ABLIM2: variants seen among roughly 807,000 people sequenced by gnomAD.
ABLIM2 encodes the protein actin-binding LIM protein 2.
A neutral mutation model predicts 97.7 loss-of-function variants in ABLIM2; 53 were observed. The observed-to-expected ratio is 0.54, with a 90% CI of 0.44 to 0.68. The LOEUF (loss-of-function observed/expected upper bound fraction) is 0.68. Ranked by LOEUF, ABLIM2 falls within the 30% of genes least tolerant of loss-of-function variation. ABLIM2 has a pLI of 0.00. For missense variants in ABLIM2, 835 were observed against 867.2 expected (o/e 0.96, Z 0.47); for synonymous variants, 361 against 345.8 (o/e 1.04, Z -0.49).
Position 8,095,598 on chromosome 4 carries a change from G to C in ABLIM2, c.338+1501C>G, listed in dbSNP as rs1437151259. On this transcript the variant is annotated intron_variant, in intron 3 of 20. Coordinates refer to ENST00000447017, the MANE Select transcript of ABLIM2 (RefSeq NM_001130083.2). The surrounding 1 kb of genome is among the most constrained non-coding windows in gnomAD (Gnocchi z 4.7). ...GGGGTCTCTTTATGTTTCCCAAGCT[G>C]GTCTCCAGTTCCTGGTCTCAAGCGA... Among the ~76,000 whole-genome samples, 1 of 152,100 alleles carries C rather than the reference G, an allele frequency of 6.6e-6. No homozygotes were observed. Among genetic ancestry groups the C allele is most frequent in the African/African-American group, 2.4e-5 (1 of 41,414 alleles).
chr4:8,030,560 G>T (rs1216712964), intron 10 of ABLIM2, among the ~76,000 whole-genome samples: 3 of 152,218 alleles, frequency 2.0e-5, no homozygotes, highest in Admixed American at 2.0e-4. Context: ...CCACCCCGAG[G>T]TGTGCTGTCC....
chr4:8,102,270 A>G (rs1835023077), intron 2 of ABLIM2, among the ~76,000 whole-genome samples: 1 of 152,058 alleles, frequency 6.6e-6, no homozygotes, highest in South Asian at 2.1e-4. Flanking sequence ...CTCTTCCCTC[A>G]TTAACTTCCT....
chr4:8,050,216 T>A (rs560262302), intron 8 of ABLIM2, among the ~76,000 whole-genome samples: 1 of 152,334 alleles, frequency 6.6e-6, no homozygotes, highest in South Asian at 2.1e-4. Context: ...GAGGGCTGTG[T>A]CATGGTCACT....
intron 3 of ABLIM2, among the ~76,000 whole-genome samples, chr4:8,089,355 T>C (rs1046996698): frequency 6.6e-6 from 1 of 152,194 alleles, no homozygotes; most frequent in African/African-American, 2.4e-5. Context: ...ACCGGGCCAC[T>C]TTCCTTCCCC....
intron 14 of ABLIM2, among the ~76,000 whole-genome samples, chr4:8,014,484 A>ATGTGTG (rs143407302): frequency 6.6e-6 from 1 of 151,612 alleles, no homozygotes; most frequent in Non-Finnish European, 1.5e-5. Context: ...GAGGGAGAGA[A>ATGTGTG]TGTGTGTGTG....
At position 8,069,207 on chromosome 4, in the gene ABLIM2, C is replaced by T. The variant is rs1288925916; in HGVS notation, c.676-8153G>A. On this transcript the variant is annotated intron_variant, in intron 6 of 20. Transcript: ENST00000447017. This position sits in a 1 kb window ranked among gnomAD's most constrained non-coding sequence, Gnocchi z 4.2. ...CAGCGGCCTCATTCTCTGCTGTACC[C>T]CGGCGTCCCCTCCAGCAGTGGCACT... 2.0e-5 allele frequency among the ~76,000 whole-genome samples: 3 copies of T among 152,256 alleles called. No homozygotes were observed. The highest frequency in any genetic ancestry group is 4.4e-5 in the Non-Finnish European group (3 of 68,046).
chr4:8,105,089 T>C (rs982725348), intron 2 of ABLIM2, among the ~76,000 whole-genome samples: 2 of 152,102 alleles, frequency 1.3e-5, no homozygotes, highest in African/African-American at 4.8e-5. Context: ...CAGACCTCAG[T>C]GTCCCTCTTT....
At position 8,003,530 on chromosome 4, in the gene ABLIM2, C is replaced by T. The variant is rs1375686819; in HGVS notation, c.1618+4529G>A. 1.3e-5 allele frequency among the ~76,000 whole-genome samples: 2 copies of T among 148,628 alleles called. No homozygotes were observed. The highest frequency in any genetic ancestry group is 5.0e-5 in the African/African-American group (2 of 40,238). ...TTGACTGGCAGCTCCCACCCACTGT[C>T]TCTGGACCACTACGCTCTTCTTCCA... On this transcript the variant is annotated intron_variant, in intron 16 of 20. Transcript: ENST00000447017. The surrounding 1 kb of genome is among the most constrained non-coding windows in gnomAD (Gnocchi z 4.2).
intron 2 of ABLIM2, among the ~76,000 whole-genome samples, chr4:8,099,888 G>A (rs1026904382): frequency 6.6e-6 from 1 of 152,126 alleles, no homozygotes; most frequent in East Asian, 1.9e-4. Context: ...CCAGGCCTCT[G>A]TGTGCTAAAA....
intron 1 of ABLIM2, among the ~76,000 whole-genome samples, chr4:8,144,375 A>G (rs1393258473): frequency 6.6e-6 from 1 of 152,228 alleles, no homozygotes; most frequent in Non-Finnish European, 1.5e-5. Context: ...CAGTGATGAC[A>G]CTGCCCCTTA....
At chr4:8,121,766 CG>C (rs1384407415) in intron 1 of ABLIM2, among the ~76,000 whole-genome samples, 1 of 152,208 alleles carries the variant, frequency 6.6e-6, no homozygotes, top group Non-Finnish European at 1.5e-5. Flanking sequence ...ACAGGAAATG[CG>C]CTGAGTGACT....
intron 11 of ABLIM2, among the ~76,000 whole-genome samples, chr4:8,028,440 C>G (rs1036592299): frequency 6.6e-6 from 1 of 152,192 alleles, no homozygotes; most frequent in South Asian, 2.1e-4. Flanking sequence ...TTCATTCACT[C>G]ACTTACTTGC....
chr4:8,005,315 T>C lies in ABLIM2; in HGVS notation c.1618+2744A>G, dbSNP rs1243518125. On this transcript the variant is annotated intron_variant, in intron 16 of 20. Coordinates refer to ENST00000447017, the MANE Select transcript of ABLIM2 (RefSeq NM_001130083.2). The surrounding 1 kb of genome is among the most constrained non-coding windows in gnomAD (Gnocchi z 4.9). Reference sequence around the variant, plus strand: ...TCAGCGTCTGGCACAGAGTGGGTGCTCAATAAATACCCGTTGAATGTAACG... The same window carrying C: ...TCAGCGTCTGGCACAGAGTGGGTGCCCAATAAATACCCGTTGAATGTAACG... The C allele has an allele frequency of 3.8e-6, 2 of 532,126 alleles. No homozygotes were observed. Among genetic ancestry groups the C allele is most frequent in the Admixed American group, 1.9e-5 (1 of 51,598 alleles). The allele number at this position is 532,126 out of a possible 1,614,324, so 33.0% of individuals were successfully genotyped here.
chr4:8,158,019 G>T (rs909710259), intron 1 of ABLIM2, among the ~76,000 whole-genome samples: 1 of 152,262 alleles, frequency 6.6e-6, no homozygotes, highest in East Asian at 1.9e-4. Context: ...GGGCTCCAGC[G>T]CTGTGGGATT....
chr4:8,003,121 CAG>C lies in ABLIM2; in HGVS notation c.1618+4936_1618+4937del, dbSNP rs1375367525. Reference sequence around the variant, plus strand: ...GAACACACCAAGCACTCATGAAATACAGAGAGATGCCCCTTGGCTTACCACGG... The same window carrying C: ...GAACACACCAAGCACTCATGAAATACAGAGATGCCCCTTGGCTTACCACGG... On this transcript the variant is annotated intron_variant, in intron 16 of 20. Coordinates refer to ENST00000447017, the MANE Select transcript of ABLIM2 (RefSeq NM_001130083.2). This position sits in a 1 kb window ranked among gnomAD's most constrained non-coding sequence, Gnocchi z 4.2. 6.6e-6 allele frequency among the ~76,000 whole-genome samples: 1 copy of C among 152,238 alleles called. No homozygotes were observed. The highest frequency in any genetic ancestry group is 2.4e-5 in the African/African-American group (1 of 41,458).
intron 1 of ABLIM2, among the ~76,000 whole-genome samples, chr4:8,142,934 TGA>T (rs1427036844): frequency 1.4e-4 from 22 of 152,220 alleles, no homozygotes; most frequent in African/African-American, 4.8e-4. Context: ...GCTCAGTGAA[TGA>T]GAGAGGAGGC....
At chr4:8,036,892 G>A (rs75566309) in intron 9 of ABLIM2, among the ~76,000 whole-genome samples, 167 of 151,538 alleles carry the variant, frequency 1.1e-3, no homozygotes, top group Non-Finnish European at 1.9e-3. Context: ...AAACACACAC[G>A]CATCCCTTAC....
Position 8,114,600 on chromosome 4 carries a change from T to C in ABLIM2, c.11-7963A>G, listed in dbSNP as rs746798276. 5.9e-5 allele frequency among the ~76,000 whole-genome samples: 9 copies of C among 152,142 alleles called. 1 individual carries two copies. The highest frequency in any genetic ancestry group is 3.3e-4 in the Admixed American group (5 of 15,276). Reference sequence around the variant, plus strand: ...ACCTACTTAAGGGCTGGCTGCTGATTATAACCATGAACCGAGGACGCTGCT... The same window carrying C: ...ACCTACTTAAGGGCTGGCTGCTGATCATAACCATGAACCGAGGACGCTGCT... On this transcript the variant is annotated intron_variant, in intron 1 of 20. Transcript: ENST00000447017.
rs1436260012 is a variant in ABLIM2, at chr4:8,124,303, G to C, written c.11-17666C>G. 6.6e-6 allele frequency among the ~76,000 whole-genome samples: 1 copy of C among 152,194 alleles called. No homozygotes were observed. The highest frequency in any genetic ancestry group is 2.4e-5 in the African/African-American group (1 of 41,452). On this transcript the variant is annotated intron_variant, in intron 1 of 20. Coordinates refer to ENST00000447017, the MANE Select transcript of ABLIM2 (RefSeq NM_001130083.2). This position sits in a 1 kb window ranked among gnomAD's most constrained non-coding sequence, Gnocchi z 6.1. ...CATAGCCGTACAATTTGCCTGTTTG[G>C]AATGCACACTCAATGGCTTTTGGTA...
Sources: allele counts gnomAD v4.1 joint callset (sites outside exome capture counted in the v4.1 genomes callset), GRCh38; gene constraint gnomAD v4.1.1; non-coding constraint Gnocchi (gnomAD v3.1); transcripts MANE v1.5; gene names NCBI Gene and HGNC (gene_info 2026-07-23, HGNC 2026-07-21).